JCAD: variants seen among roughly 807,000 people sequenced by gnomAD.
JCAD encodes the protein junctional cadherin 5 associated.
A neutral mutation model predicts 98.0 loss-of-function variants in JCAD; 40 were observed. That is an observed-to-expected ratio of 0.41 (90% CI 0.32 to 0.53). JCAD has a LOEUF of 0.53. Among genes scored for constraint, JCAD ranks in the 20% least tolerant of loss-of-function variants. The pLI is 0.31. For synonymous variants in JCAD, 691 were observed against 682.3 expected (o/e 1.01, Z -0.20); for missense variants, 1,705 against 1,738.1 (o/e 0.98, Z 0.34).
rs982151982 is a variant in JCAD, at chr10:30,027,304, T to C, written c.2844A>G (p.Ala948=). Residue 948 remains alanine, a synonymous_variant, in exon 3 of 4, where the codon GCA becomes GCG. Coordinates refer to ENST00000375377, the MANE Select transcript of JCAD (RefSeq NM_020848.4). ...EEGGGAPFCS[A]DGSTSAEKRH... is the part of the protein sequence containing the mutation. Reference sequence around the variant, plus strand: ...TCTTCTCTGCACTCGTGCTTCCATCTGCTGAGCAGAAAGGTGCACCGCCAC... The same window carrying C: ...TCTTCTCTGCACTCGTGCTTCCATCCGCTGAGCAGAAAGGTGCACCGCCAC... 1 of 1,614,060 alleles carries C rather than the reference T, an allele frequency of 6.2e-7. No homozygotes were observed. Among genetic ancestry groups the C allele is most frequent in the South Asian group, 1.1e-5 (1 of 91,082 alleles).
At chr10:30,046,314 C>G (rs73598341) in intron 2 of JCAD, among the ~76,000 whole-genome samples, 3 of 152,250 alleles carry the variant, frequency 2.0e-5, no homozygotes, top group African/African-American at 7.2e-5. Context: ...GAAATTCTCT[C>G]CTTTTTTACC....
chr10:30,109,862 T>G (rs2505115), intron 1 of JCAD, among the ~76,000 whole-genome samples: 132,226 of 151,636 alleles, frequency 0.87, 57,967 homozygotes, highest in African/African-American at 0.92. Context: ...ACCCCCTGGT[T>G]TATGAACTAG....
Position 30,027,438 on chromosome 10 carries a change from A to G in JCAD, c.2710T>C (p.Cys904Arg), listed in dbSNP as rs753551702. The G allele has an allele frequency of 1.1e-5, 17 of 1,604,404 alleles. No individual in the cohort carries two copies. Among genetic ancestry groups the G allele is most frequent in the Non-Finnish European group, 1.3e-5 (15 of 1,179,964 alleles). The part of the protein sequence containing the change: ...PRMWVPESPV[C>R]RSGRGESKSE... ...TTACTCTCACCTCTTCCCGACCTACACACAGGGCTCTCCGGCACCCACATC... is the reference window on the plus strand; with the variant it reads ...TTACTCTCACCTCTTCCCGACCTACGCACAGGGCTCTCCGGCACCCACATC... The change falls in exon 3 of 4, where the codon TGT (cysteine) becomes CGT (arginine). Residue 904 changes from cysteine (C) to arginine (R), a missense_variant. By Grantham distance (180) the Cys-to-Arg change is radical (BLOSUM62 -3). Around this residue, in one of 3 missense-constraint regions of JCAD, gnomAD observed 1,278 missense variants for 1,243.1 expected, o/e 1.03. Coordinates refer to ENST00000375377, the MANE Select transcript of JCAD (RefSeq NM_020848.4).
chr10:30,077,690 A>G (rs542076131), intron 1 of JCAD, among the ~76,000 whole-genome samples: 2 of 152,252 alleles, frequency 1.3e-5, no homozygotes, highest in East Asian at 3.9e-4. Flanking sequence ...TTCTCATTTT[A>G]TGTCTGGCTT....
At chr10:30,092,227 G>A (rs1335034558) in intron 1 of JCAD, among the ~76,000 whole-genome samples, 1 of 149,574 alleles carries the variant, frequency 6.7e-6, no homozygotes, top group Non-Finnish European at 1.5e-5. Context: ...TCCTCTGGAA[G>A]GAGAAAGGAG....
intron 3 of JCAD, among the ~76,000 whole-genome samples, chr10:30,019,357 C>CAAAAAAAAAAA (rs58164754): frequency 1.0e-5 from 1 of 100,302 alleles, no homozygotes; most frequent in African/African-American, 3.9e-5. Context: ...AACTCTGTCT[C>CAAAAAAAAAAA]AAAAAAAAAA....
chr10:30,110,681 G>C (rs181475033), intron 1 of JCAD, among the ~76,000 whole-genome samples: 1 of 151,426 alleles, frequency 6.6e-6, no homozygotes, highest in East Asian at 2.0e-4. Flanking sequence ...GTGATGTATG[G>C]ACCCCTGATA....
intron 2 of JCAD, among the ~76,000 whole-genome samples, chr10:30,038,702 AAAAG>A (rs1564449568): frequency 1.3e-5 from 2 of 150,680 alleles, no homozygotes; most frequent in East Asian, 1.9e-4. Context: ...AAAAAAAAAA[AAAAG>A]AAAGAAAGAA....
chr10:30,032,645 C>T (rs1424238580), intron 2 of JCAD, among the ~76,000 whole-genome samples: 1 of 152,052 alleles, frequency 6.6e-6, no homozygotes, highest in African/African-American at 2.4e-5. Flanking sequence ...TAAAAAAGTA[C>T]AAAAAACAAA....
At chr10:30,084,958 G>A (rs1027718110) in intron 1 of JCAD, among the ~76,000 whole-genome samples, 23 of 152,020 alleles carry the variant, frequency 1.5e-4, no homozygotes, top group Middle Eastern at 3.2e-3. Context: ...GGAAATAATC[G>A]TAGTCACTCG....
intron 1 of JCAD, among the ~76,000 whole-genome samples, chr10:30,097,735 C>T (rs1254599649): frequency 3.3e-5 from 5 of 151,992 alleles, no homozygotes; most frequent in Non-Finnish European, 7.4e-5. Flanking sequence ...TGCACTCCAG[C>T]CTGGGCGACA....
chr10:30,064,455 G>T (rs772848854), upstream of JCAD, among the ~76,000 whole-genome samples: 4 of 152,108 alleles, frequency 2.6e-5, no homozygotes, highest in Non-Finnish European at 5.9e-5. Context: ...CCACCTGCGG[G>T]TATTCTGTTA....
rs765180416 is a variant in JCAD, at chr10:30,028,094, C to T, written c.2054G>A (p.Arg685Gln). The change falls in exon 3 of 4, where the codon CGG becomes CAG. Residue 685 changes from arginine to glutamine, a missense_variant. By Grantham distance (43) the Arg-to-Gln change is conservative. This residue lies in a region of JCAD where 1,278 missense variants were observed against 1,243.1 expected (regional missense o/e 1.03). Coordinates refer to ENST00000375377, the MANE Select transcript of JCAD (RefSeq NM_020848.4). Reference protein sequence around the residue: ...LKHSGSWPGHRYRDQQTQTSF... With the variant: ...LKHSGSWPGHQYRDQQTQTSF... ...GGTTTGTGTTTGCTGATCTCTGTACCGGTGCCCTGGCCAAGAGCCAGAATG... is the reference window on the plus strand; with the variant it reads ...GGTTTGTGTTTGCTGATCTCTGTACTGGTGCCCTGGCCAAGAGCCAGAATG... 1.9e-6 allele frequency: 3 copies of T among 1,614,224 alleles called. No homozygotes were observed. Among genetic ancestry groups the T allele is most frequent in the Non-Finnish European group, 2.5e-6 (3 of 1,180,046 alleles).
intron 1 of JCAD, among the ~76,000 whole-genome samples, chr10:30,058,693 G>T (rs1434002207): frequency 6.6e-6 from 1 of 152,184 alleles, no homozygotes; most frequent in African/African-American, 2.4e-5. Context: ...GGAGACGGGG[G>T]AAGTAGAGGG....
In JCAD at chr10:30,017,085, T is replaced by C. The variant is rs1424474798; in HGVS notation, c.*798A>G. On this transcript the variant is annotated 3_prime_UTR_variant, in exon 4 of 4. Transcript: ENST00000375377. ...AATAGCATTTTCGTAAAAAGAAATA[T>C]AGTCACTTTGTTAAAATGGTCTATT... The C allele has an allele frequency of 6.6e-6, 1 of 152,210 alleles. No homozygotes were observed. Among genetic ancestry groups the C allele is most frequent in the Non-Finnish European group, 1.5e-5 (1 of 68,040 alleles). 9.4% of individuals were successfully genotyped at this position (152,210 alleles called of 1,614,324 possible).
upstream of JCAD, among the ~76,000 whole-genome samples, chr10:30,063,400 TAAAG>T (rs1016525861): frequency 2.6e-5 from 4 of 151,976 alleles, no homozygotes; most frequent in Non-Finnish European, 5.9e-5. Context: ...ACCGCCTGCT[TAAAG>T]AAAGAAAAAA....
chr10:30,075,634 G>A (rs61841134), intron 1 of JCAD, among the ~76,000 whole-genome samples: 2,933 of 152,286 alleles, frequency 0.019, 41 homozygotes, highest in Non-Finnish European at 0.033. Flanking sequence ...TGCATAAAAT[G>A]AAGCCAGTGT....
chr10:30,113,548 C>CAA (rs71023545), intron 1 of JCAD, among the ~76,000 whole-genome samples: 4,683 of 15,924 alleles, frequency 0.29, 1,516 homozygotes, highest in Non-Finnish European at 0.37. Flanking sequence ...GAGACACTGT[C>CAA]AAAAAAAAAA....
Position 30,028,531 on chromosome 10 carries a change from T to C in JCAD, c.1617A>G (p.Arg539=), listed in dbSNP as rs1243115272. 2 of 1,614,132 alleles carry C rather than the reference T, an allele frequency of 1.2e-6. No homozygotes were observed. Among genetic ancestry groups the C allele is most frequent in the African/African-American group, 2.7e-5 (2 of 74,940 alleles). The change falls in exon 3 of 4, where the codon AGA becomes AGG. Residue 539 remains arginine, a synonymous_variant. Coordinates refer to ENST00000375377, the MANE Select transcript of JCAD (RefSeq NM_020848.4). ...CCTGTGAGTAAGGGGAGGAAACTTG[T>C]CTTCCAGTGTGCCCGTGCTGGCTGC... ...VRGSQHGHTG[R]QVSSPYSQGE... is the part of the protein sequence containing the mutation.
Sources: gnomAD v4.1 joint callset for allele counts (sites outside exome capture counted in the v4.1 genomes callset) on GRCh38, gnomAD v4.1.1 for gene constraint, gnomAD v4.1.1 regional missense constraint, MANE v1.5 for transcripts, NCBI Gene and HGNC (gene_info 2026-07-23, HGNC 2026-07-21) for gene names.